The following AGMO variants were observed in gnomAD, a reference collection of about 807,000 sequenced individuals.
The protein encoded by AGMO is alkylglycerol monooxygenase, also known as glyceryl-ether monooxygenase.
AGMO carries 75 observed loss-of-function variants against 60.2 expected under a neutral mutation model. That is an observed-to-expected ratio of 1.25 (90% confidence interval 1.03 to 1.51). AGMO has a LOEUF of 1.51. Ranked by LOEUF, AGMO falls within the 40% of genes most tolerant of loss-of-function variation. The pLI is 0.00. For synonymous variants in AGMO, 261 were observed against 177.1 expected (o/e 1.47, Z -3.76); for missense variants, 763 against 525.5 (o/e 1.45, Z -4.42).
At chr7:15,254,538 G>A (rs1217132958) in intron 12 of AGMO, among the ~76,000 whole-genome samples, 1 of 152,202 alleles carries the variant, frequency 6.6e-6, no homozygotes, top group East Asian at 1.9e-4. Flanking sequence ...TTATAGAAAT[G>A]TTTGTTGAGG....
intron 12 of AGMO, among the ~76,000 whole-genome samples, chr7:15,285,711 C>G (rs1035104745): frequency 2.0e-5 from 3 of 151,772 alleles, no homozygotes; most frequent in Admixed American, 6.6e-5. Flanking sequence ...TAACAGAACT[C>G]GAAAAAATAT....
At chr7:15,516,308 A>C (rs986004618) in intron 3 of AGMO, among the ~76,000 whole-genome samples, 1 of 152,168 alleles carries the variant, frequency 6.6e-6, no homozygotes, top group Non-Finnish European at 1.5e-5. Context: ...AGATGAGTAA[A>C]TATTTTTTAA....
chr7:15,274,898 T>A (rs971580606), intron 12 of AGMO, among the ~76,000 whole-genome samples: 2 of 151,986 alleles, frequency 1.3e-5, no homozygotes, highest in Non-Finnish European at 2.9e-5. Context: ...AGTTGTAATG[T>A]CACCTTTATA....
chr7:15,476,888 T>C (rs1782605615), intron 3 of AGMO, among the ~76,000 whole-genome samples: 1 of 152,110 alleles, frequency 6.6e-6, no homozygotes, highest in East Asian at 1.9e-4. Context: ...ACAGAGATGG[T>C]TAAATGATAT....
intron 3 of AGMO, among the ~76,000 whole-genome samples, chr7:15,512,869 T>G (rs17168804): frequency 0.025 from 3,742 of 152,282 alleles, 118 homozygotes; most frequent in African/African-American, 0.085. Flanking sequence ...ATATTTTGTA[T>G]AGTTTCTTTC....
At chr7:15,413,727 T>C (rs1780678383) in intron 5 of AGMO, among the ~76,000 whole-genome samples, 1 of 152,090 alleles carries the variant, frequency 6.6e-6, no homozygotes, top group Non-Finnish European at 1.5e-5. Flanking sequence ...TTCAGAAAAG[T>C]ATCTTTCAAA....
rs563572356 is a variant in AGMO, at chr7:15,407,111, T to C, written c.609+11447A>G. ...ACACATATATACATATATGTGTGCA[T>C]ATGTACACATATATACCCACGTATA... On this transcript the variant is annotated intron_variant, in intron 5 of 12. Coordinates refer to ENST00000342526, the MANE Select transcript of AGMO (RefSeq NM_001004320.2). Among the ~76,000 whole-genome samples, 12 of 146,792 alleles carry C rather than the reference T, an allele frequency of 8.2e-5. No individual in the cohort carries two copies. In the East Asian group the frequency reaches 2.4e-3, roughly 29 times the overall value.
intron 10 of AGMO, among the ~76,000 whole-genome samples, chr7:15,366,742 A>T (rs1423675832): frequency 6.6e-6 from 1 of 152,076 alleles, no homozygotes; most frequent in Non-Finnish European, 1.5e-5. Context: ...TATACATGTC[A>T]AAAGCTATCT....
At chr7:15,283,837 A>C (rs1784031615) in intron 12 of AGMO, among the ~76,000 whole-genome samples, 1 of 151,862 alleles carries the variant, frequency 6.6e-6, no homozygotes, top group East Asian at 1.9e-4. Context: ...GCCACAAAAC[A>C]AGTCTTAATG....
At chr7:15,408,698 G>T (rs557773895) in intron 5 of AGMO, among the ~76,000 whole-genome samples, 1 of 151,908 alleles carries the variant, frequency 6.6e-6, no homozygotes, top group Non-Finnish European at 1.5e-5. Context: ...TTGTTTACCA[G>T]GCTTTGAATC....
chr7:15,268,935 CTTGAG>C (rs1783515214), intron 12 of AGMO, among the ~76,000 whole-genome samples: 1 of 152,004 alleles, frequency 6.6e-6, no homozygotes, highest in African/African-American at 2.4e-5. Context: ...TGGGTGTTGA[CTTGAG>C]TTTTGAAAAT....
intron 12 of AGMO, among the ~76,000 whole-genome samples, chr7:15,265,060 A>G (rs1305535566): frequency 6.6e-6 from 1 of 152,200 alleles, no homozygotes; most frequent in Non-Finnish European, 1.5e-5. Flanking sequence ...GACTGGAAAA[A>G]GAAAATGTGA....
At chr7:15,221,291 C>G (rs1474503186) in intron 12 of AGMO, among the ~76,000 whole-genome samples, 1 of 152,114 alleles carries the variant, frequency 6.6e-6, no homozygotes. Flanking sequence ...TGAGCCAGGG[C>G]TGAGCTCTTG....
At chr7:15,425,311 T>C (rs1340943747) in intron 4 of AGMO, among the ~76,000 whole-genome samples, 1 of 152,148 alleles carries the variant, frequency 6.6e-6, no homozygotes, top group African/African-American at 2.4e-5. Context: ...TTTTAAATTA[T>C]TATGCTCAAA....
the AGMO span, among the ~76,000 whole-genome samples, chr7:15,166,669 C>T: frequency 1.3e-5 from 2 of 152,104 alleles, no homozygotes; most frequent in Non-Finnish European, 2.9e-5. Context: ...TGCAGTCATC[C>T]AGTAAGAAGC....
chr7:15,247,211 A>C (rs1487537771), intron 12 of AGMO, among the ~76,000 whole-genome samples: 2 of 152,202 alleles, frequency 1.3e-5, no homozygotes, highest in Non-Finnish European at 2.9e-5. Flanking sequence ...ATGTTTATCA[A>C]TACTAATAAA....
chr7:15,393,800 C>T (rs1784249904), intron 6 of AGMO, among the ~76,000 whole-genome samples: 1 of 152,112 alleles, frequency 6.6e-6, no homozygotes, highest in Non-Finnish European at 1.5e-5. Flanking sequence ...TTGACAGAAT[C>T]CTTTAAAACA....
the AGMO span, among the ~76,000 whole-genome samples, chr7:15,123,785 TTTAA>T: frequency 6.6e-6 from 1 of 152,080 alleles, no homozygotes; most frequent in Non-Finnish European, 1.5e-5. Flanking sequence ...GCTGAAGTAA[TTTAA>T]TTGACTCAGG....
At chr7:15,336,593 T>G (rs1054637304) in intron 12 of AGMO, among the ~76,000 whole-genome samples, 1 of 152,156 alleles carries the variant, frequency 6.6e-6, no homozygotes, top group Admixed American at 6.5e-5. Context: ...CAATTGTCAT[T>G]TAAATGTGTG....
Sources: allele counts gnomAD v4.1 joint callset (sites outside exome capture counted in the v4.1 genomes callset), GRCh38; gene constraint gnomAD v4.1.1; transcripts MANE v1.5; gene names NCBI Gene and HGNC (gene_info 2026-07-23, HGNC 2026-07-21).